The following USP19 variants were observed in gnomAD, a reference collection of about 807,000 sequenced individuals.
USP19 encodes ubiquitin carboxyl-terminal hydrolase 19.
In USP19, 40 loss-of-function variants were observed where a neutral mutation model predicts 144.8. The ratio of observed to expected loss-of-function variants is 0.28; its 90% CI spans 0.21 to 0.36. The LOEUF is 0.36. Among genes scored for constraint, USP19 ranks in the 10% least tolerant of loss-of-function variants. The probability of loss-of-function intolerance (pLI) is 1.00; values close to 1 mark genes in which losing one functional copy is unlikely to be tolerated. For synonymous variants in USP19, 701 were observed against 709.3 expected (o/e 0.99, Z 0.19); for missense variants, 1,518 against 1,822.5 (o/e 0.83, Z 3.04).
rs762371255 is a variant in USP19, at chr3:49,110,890, A to C, written c.3546-27T>G. The C allele has an allele frequency of 6.2e-7, 1 of 1,613,808 alleles. No homozygotes were observed. The highest frequency in any genetic ancestry group is 2.2e-5 in the East Asian group (1 of 44,878). ...TGGTGGGGACAGAGATTGGGTCAGG[A>C]CCAGCAAGTCTCTCTCTTCTCCATC... On this transcript the variant is annotated intron_variant, in intron 23 of 26. Coordinates refer to ENST00000417901, the MANE Select transcript of USP19 (RefSeq NM_001199161.2). This position sits in a 1 kb window ranked among gnomAD's most constrained non-coding sequence, Gnocchi z 6.1.
chr3:49,112,431 C>T lies in USP19; in HGVS notation c.2647-29G>A. On this transcript the variant is annotated intron_variant, in intron 18 of 26. Coordinates refer to ENST00000417901, the MANE Select transcript of USP19 (RefSeq NM_001199161.2). The surrounding 1 kb of genome is among the most constrained non-coding windows in gnomAD (Gnocchi z 4.9). ...GGGTGGGTCGTCTGGCTCAGCAAGACCAGGAAGAAGTGCCCCACCCACCAG... is the reference window on the plus strand; with the variant it reads ...GGGTGGGTCGTCTGGCTCAGCAAGATCAGGAAGAAGTGCCCCACCCACCAG... 6.2e-7 allele frequency: 1 copy of T among 1,613,906 alleles called. No homozygotes were observed. Among genetic ancestry groups the T allele is most frequent in the Non-Finnish European group, 8.5e-7 (1 of 1,179,918 alleles).
At position 49,116,542 on chromosome 3, in the gene USP19, C is replaced by A. The variant is rs746079142; in HGVS notation, c.1192G>T (p.Val398Leu). 3 of 1,614,258 alleles carry A rather than the reference C, an allele frequency of 1.9e-6. No homozygotes were observed. The highest frequency in any genetic ancestry group is 3.3e-5 in the Admixed American group (2 of 60,024). ...TCCTTCACGTACACGTGCACCACCA[C>A]TGAATCCGGGCCCTTCTCATACGAG... is the stretch of plus-strand genomic sequence containing the variant. ...NDSYEKGPDS[V>L]VVHVYVKEIC... is the part of the protein sequence containing the mutation. The change falls in exon 8 of 27, where the codon GTG becomes TTG. Residue 398 changes from valine (V) to leucine (L), a missense_variant. By Grantham distance (32) the Val-to-Leu change is conservative. Around this residue, in one of 5 missense-constraint regions of USP19, gnomAD observed 707 missense variants for 728.9 expected, o/e 0.97. Coordinates refer to ENST00000417901, the MANE Select transcript of USP19 (RefSeq NM_001199161.2). The surrounding 1 kb of genome is among the most constrained non-coding windows in gnomAD (Gnocchi z 5.0).
At position 49,111,370 on chromosome 3, in the gene USP19, G is replaced by A. The variant is rs1387932021; in HGVS notation, c.3218-5C>T. On this transcript the variant is annotated splice_region_variant and splice_polypyrimidine_tract_variant and intron_variant, in intron 21 of 26. Transcript: ENST00000417901. The surrounding 1 kb of genome is among the most constrained non-coding windows in gnomAD (Gnocchi z 5.9). ...GCTGGTACCCAGGCACAGCAGCTGT[G>A]TGAGAACATGATAATCAAAGCTTCC... 6.2e-7 allele frequency: 1 copy of A among 1,614,158 alleles called. No homozygotes were observed. Among genetic ancestry groups the A allele is most frequent in the Admixed American group, 1.7e-5 (1 of 60,030 alleles).
chr3:49,111,655 G>C lies in USP19; in HGVS notation c.3062C>G (p.Pro1021Arg). ...IQPPELQLVTPMAEGDTGLPR... is the reference protein window; with the variant it reads ...IQPPELQLVTRMAEGDTGLPR... ...AAGCCCTGTGTCCCCCTCAGCCATA[G>C]GGGTCACCAGCTGGAGCTCAGGTGG... The change falls in exon 21 of 27, where the codon CCT (proline) becomes CGT (arginine). Residue 1021 changes from proline to arginine, a missense_variant. Pro to Arg is a moderately radical substitution (Grantham distance 103). Coordinates refer to ENST00000417901, the MANE Select transcript of USP19 (RefSeq NM_001199161.2). This position sits in a 1 kb window ranked among gnomAD's most constrained non-coding sequence, Gnocchi z 5.9. 6.2e-7 allele frequency: 1 copy of C among 1,604,540 alleles called. No individual in the cohort carries two copies. The highest frequency in any genetic ancestry group is 2.2e-5 in the East Asian group (1 of 44,766).
At chr3:49,113,743 C>A (rs2043590986) in intron 17 of USP19, among the ~76,000 whole-genome samples, 1 of 152,126 alleles carries the variant, frequency 6.6e-6, no homozygotes, top group Non-Finnish European at 1.5e-5. Context: ...GACTATAACA[C>A]GTACCACCAT....
intron 2 of USP19, 89 bp downstream of exon 2, chr3:49,118,933 C>G (rs908475403): frequency 6.3e-7 from 1 of 1,576,234 alleles, no homozygotes; most frequent in Non-Finnish European, 8.6e-7. Flanking sequence ...GAGAGAAGAA[C>G]AAGAAAGTCA....
In USP19 at chr3:49,117,783, A is replaced by G. The variant is rs1371456862; in HGVS notation, c.346T>C (p.Leu116=). Reference sequence around the variant, plus strand: ...GCACTCTGCCTCCAATCGAGCAACAACTCTGGAGTGGGAGTAGCCAAGAGA... The same window carrying G: ...GCACTCTGCCTCCAATCGAGCAACAGCTCTGGAGTGGGAGTAGCCAAGAGA... The part of the protein sequence containing the change: ...HDLLATPTPE[L]LLDWRQSAEE... Residue 116 remains leucine (L), a synonymous_variant, in exon 4 of 27, where the codon TTG becomes CTG. Transcript: ENST00000417901. This position sits in a 1 kb window ranked among gnomAD's most constrained non-coding sequence, Gnocchi z 4.4. 6.2e-7 allele frequency: 1 copy of G among 1,613,908 alleles called. No homozygotes were observed. Among genetic ancestry groups the G allele is most frequent in the Non-Finnish European group, 8.5e-7 (1 of 1,180,000 alleles).
At chr3:49,113,688 C>T (rs555757820) in intron 17 of USP19, among the ~76,000 whole-genome samples, 1 of 152,210 alleles carries the variant, frequency 6.6e-6, no homozygotes, top group Non-Finnish European at 1.5e-5. Context: ...ACCTCCACAT[C>T]CCGGGCTCAA....
rs775944312 is a variant in USP19 at position 49,118,026 on chromosome 3, G to A, written c.219C>T (p.Gly73=). ...AGAACAGCCGGGTACGGTGGCGTGAGCCTGTGATCCCAGCTGCATGGGAGG... is the reference window on the plus strand; with the variant it reads ...AGAACAGCCGGGTACGGTGGCGTGAACCTGTGATCCCAGCTGCATGGGAGG... ...ASASHAAGIT[G]SRHRTRLFFP... is the part of the protein sequence containing the mutation. The change falls in exon 3 of 27, where the codon GGC becomes GGT. Residue 73 remains glycine (G), a synonymous_variant. Transcript: ENST00000417901. The A allele has an allele frequency of 2.2e-5, 36 of 1,601,982 alleles. No individual in the cohort carries two copies. The Admixed American group carries it at 6.3e-4, about 28-fold the overall frequency.
intron 17 of USP19, 82 bp downstream of exon 17, chr3:49,113,910 G>A: frequency 1.4e-6 from 2 of 1,457,382 alleles, no homozygotes; most frequent in South Asian, 2.3e-5. Flanking sequence ...TATGTCTGTA[G>A]ATGCCAATGA....
At chr3:49,109,397 C>T (rs1427519222) in intron 26 of USP19, among the ~76,000 whole-genome samples, 1 of 151,996 alleles carries the variant, frequency 6.6e-6, no homozygotes, top group Non-Finnish European at 1.5e-5. Context: ...TTTTGGCCTA[C>T]CCTAAACAGC....
At chr3:49,109,950 G>A in intron 26 of USP19, 1 of 416,110 alleles carries the variant, frequency 2.4e-6, no homozygotes, top group Middle Eastern at 6.4e-4. Flanking sequence ...GTGCCAAGTA[G>A]GTGCCAATGT....
Position 49,117,602 on chromosome 3 carries a change from T to A in USP19, c.473-32A>T. ...ACAGAGCAGGGTCCATGAGGTAGGATAGGAGATATCAGAAGATTCAAACAT... is the reference window on the plus strand; with the variant it reads ...ACAGAGCAGGGTCCATGAGGTAGGAAAGGAGATATCAGAAGATTCAAACAT... On this transcript the variant is annotated intron_variant, in intron 4 of 26. Coordinates refer to ENST00000417901, the MANE Select transcript of USP19 (RefSeq NM_001199161.2). The surrounding 1 kb of genome is among the most constrained non-coding windows in gnomAD (Gnocchi z 4.4). The A allele has an allele frequency of 6.2e-7, 1 of 1,613,980 alleles. No individual in the cohort carries two copies. Among genetic ancestry groups the A allele is most frequent in the South Asian group, 1.1e-5 (1 of 91,082 alleles).
Position 49,108,460 on chromosome 3 carries a change from A to G in USP19, c.4107T>C (p.Pro1369=). The change falls in exon 27 of 27, where the codon CCT becomes CCC. Residue 1369 remains proline (P), a synonymous_variant. Coordinates refer to ENST00000417901, the MANE Select transcript of USP19 (RefSeq NM_001199161.2). This position sits in a 1 kb window ranked among gnomAD's most constrained non-coding sequence, Gnocchi z 4.8. The stretch of plus-strand genomic sequence containing the variant: ...TGTAGGTGGGGGCTGGCCGATCCAC[A>G]GGGGGGGCGAAGCGTTCAGGGGCTG... ...TRTAPERFAP[P]VDRPAPTYSN... is the part of the protein sequence containing the mutation. 3.0e-6 allele frequency: 4 copies of G among 1,346,668 alleles called. No individual in the cohort carries two copies. Among genetic ancestry groups the G allele is most frequent in the South Asian group, 3.6e-5 (2 of 55,652 alleles). 83.4% of individuals were successfully genotyped at this position (1,346,668 alleles called of 1,614,324 possible).
At position 49,111,957 on chromosome 3, in the gene USP19, G is replaced by A. The variant is rs772746650; in HGVS notation, c.2857C>T (p.Arg953Cys). 3.1e-6 allele frequency: 5 copies of A among 1,614,098 alleles called. No individual in the cohort carries two copies. The highest frequency in any genetic ancestry group is 1.6e-4 in the Middle Eastern group (1 of 6,062). ...YPFLVSVPAS[R>C]LTYARLAQLL... ...TGAGCGAGGCGGGCATAAGTGAGGC[G>A]TGAGGCAGGTACACTGACCAGGAAG... Residue 953 changes from arginine to cysteine, a missense_variant, in exon 20 of 27, where the codon CGC (arginine) becomes TGC (cysteine). By Grantham distance (180) the Arg-to-Cys change is radical. Coordinates refer to ENST00000417901, the MANE Select transcript of USP19 (RefSeq NM_001199161.2). This position sits in a 1 kb window ranked among gnomAD's most constrained non-coding sequence, Gnocchi z 5.9.
chr3:49,111,188 G>A lies in USP19; in HGVS notation c.3329-22C>T. On this transcript the variant is annotated intron_variant, in intron 22 of 26. Transcript: ENST00000417901. This position sits in a 1 kb window ranked among gnomAD's most constrained non-coding sequence, Gnocchi z 5.9. ...TCTCCTGGAGATTCGCAGGGAGAGAGGTCATGCAGCTGTGGAGAACAGCCA... is the reference window on the plus strand; with the variant it reads ...TCTCCTGGAGATTCGCAGGGAGAGAAGTCATGCAGCTGTGGAGAACAGCCA... The A allele has an allele frequency of 1.2e-6, 2 of 1,614,058 alleles. No individual in the cohort carries two copies. Among genetic ancestry groups the A allele is most frequent in the Non-Finnish European group, 1.7e-6 (2 of 1,180,028 alleles).
rs760905745 is a variant in USP19 at position 49,118,034 on chromosome 3, T to A, written c.211A>T (p.Ile71Phe). 1 of 1,600,196 alleles carries A rather than the reference T, an allele frequency of 6.2e-7. No individual in the cohort carries two copies. The highest frequency in any genetic ancestry group is 8.5e-7 in the Non-Finnish European group (1 of 1,176,938). Residue 71 changes from isoleucine (I) to phenylalanine (F), a missense_variant, in exon 3 of 27, where the codon ATC becomes TTC. Ile to Phe is a conservative substitution (Grantham distance 21). Coordinates refer to ENST00000417901, the MANE Select transcript of USP19 (RefSeq NM_001199161.2). The part of the protein sequence containing the change: ...PSASASHAAG[I>F]TGSRHRTRLF... Reference sequence around the variant, plus strand: ...CGGGTACGGTGGCGTGAGCCTGTGATCCCAGCTGCATGGGAGGCTGAGGCA... The same window carrying A: ...CGGGTACGGTGGCGTGAGCCTGTGAACCCAGCTGCATGGGAGGCTGAGGCA...
At chr3:49,109,537 T>C (rs1012489295) in intron 26 of USP19, among the ~76,000 whole-genome samples, 1 of 152,198 alleles carries the variant, frequency 6.6e-6, no homozygotes, top group Non-Finnish European at 1.5e-5. Flanking sequence ...ATCTCCTTGC[T>C]CCTTCCCACC....
rs943427896 is a variant in USP19, at chr3:49,116,978, T to G, written c.910-35A>C. ...GCAAGATTGTGGAAAGAATCAGCCC[T>G]GGGTCTGCCAGGTGGCTCCCACTCC... On this transcript the variant is annotated intron_variant, in intron 6 of 26. Transcript: ENST00000417901. This position sits in a 1 kb window ranked among gnomAD's most constrained non-coding sequence, Gnocchi z 5.0. 5.4e-5 allele frequency: 86 copies of G among 1,598,302 alleles called. No homozygotes were observed. The highest frequency in any genetic ancestry group is 6.3e-5 in the Non-Finnish European group (74 of 1,170,988).
Sources: allele counts gnomAD v4.1 joint callset (sites outside exome capture counted in the v4.1 genomes callset), GRCh38; gene constraint gnomAD v4.1.1; regional missense constraint gnomAD v4.1.1; non-coding constraint Gnocchi (gnomAD v3.1); transcripts MANE v1.5; gene names NCBI Gene and HGNC (gene_info 2026-07-23, HGNC 2026-07-21).